Variants in CSMD1 observed in about 807,000 individuals in gnomAD.
CSMD1 encodes CUB and Sushi multiple domains 1, also known as CUB and sushi domain-containing protein 1.
Under a neutral mutation model 417.5 loss-of-function variants are expected in CSMD1, and 213 were observed. The ratio of observed to expected loss-of-function variants is 0.51; its 90% CI spans 0.46 to 0.57. CSMD1 has a LOEUF of 0.57. CSMD1 is among the 20% of genes least tolerant of loss of function. CSMD1 has a pLI of 0.00. For synonymous variants in CSMD1, 2,862 were observed against 1,736.8 expected (o/e 1.65, Z -16.11); for missense variants, 6,923 against 4,529.7 (o/e 1.53, Z -15.17).
chr8:3,457,438 G>T (rs547496752), intron 12 of CSMD1, among the ~76,000 whole-genome samples: 1 of 152,178 alleles, frequency 6.6e-6, no homozygotes, highest in Non-Finnish European at 1.5e-5. Flanking sequence ...AAAAGCAGAA[G>T]AAACGGAGCT....
rs534324634 is a variant in CSMD1, at chr8:4,976,121, G to A, written c.85+18211C>T. Reference sequence around the variant, plus strand: ...ACTGGGATAAACATTGGATAAATATGGACATAAGGGAAGAACAGACACTGG... The same window carrying A: ...ACTGGGATAAACATTGGATAAATATAGACATAAGGGAAGAACAGACACTGG... On this transcript the variant is annotated intron_variant, in intron 1 of 69. Coordinates refer to ENST00000635120, the MANE Select transcript of CSMD1 (RefSeq NM_033225.6). 2.0e-4 allele frequency among the ~76,000 whole-genome samples: 31 copies of A among 152,250 alleles called. No individual in the cohort carries two copies. In the South Asian group the frequency reaches 5.0e-3, roughly 24 times the overall value.
At chr8:4,111,171 C>G (rs1351060844) in intron 3 of CSMD1, among the ~76,000 whole-genome samples, 1 of 152,036 alleles carries the variant, frequency 6.6e-6, no homozygotes, top group Non-Finnish European at 1.5e-5. Context: ...GAAAAGTTTC[C>G]CTGTTCCCAA....
At chr8:3,010,292 T>TA (rs1239111056) in intron 52 of CSMD1, among the ~76,000 whole-genome samples, 1 of 152,238 alleles carries the variant, frequency 6.6e-6, no homozygotes, top group South Asian at 2.1e-4. Context: ...ATGTAGCAGG[T>TA]GGCATTCTAA....
chr8:3,208,203 T>A (rs1797412879), intron 30 of CSMD1, among the ~76,000 whole-genome samples: 1 of 152,170 alleles, frequency 6.6e-6, no homozygotes, highest in Non-Finnish European at 1.5e-5. Flanking sequence ...ACAAGAAGTA[T>A]AAATAAAAAG....
At chr8:4,201,903 T>C (rs1585013552) in intron 3 of CSMD1, among the ~76,000 whole-genome samples, 1 of 144,822 alleles carries the variant, frequency 6.9e-6, no homozygotes, top group Non-Finnish European at 1.5e-5. Flanking sequence ...GGGGGGGCGC[T>C]GCATTCATTT....
chr8:4,456,985 T>TTTAAA (rs71207092), intron 2 of CSMD1, among the ~76,000 whole-genome samples: 1,622 of 138,744 alleles, frequency 0.012, 28 homozygotes, highest in African/African-American at 0.03. Flanking sequence ...GGTTTTTTTT[T>TTTAAA]AAAAAAAAAA....
chr8:4,559,601 G>C (rs1204710152), intron 2 of CSMD1, among the ~76,000 whole-genome samples: 1 of 152,136 alleles, frequency 6.6e-6, no homozygotes, highest in East Asian at 1.9e-4. Context: ...CCCCAATGTT[G>C]TATAAAATTA....
chr8:4,412,004 G>GTC (rs1328522905), intron 3 of CSMD1, among the ~76,000 whole-genome samples: 1 of 151,808 alleles, frequency 6.6e-6, no homozygotes, highest in African/African-American at 2.4e-5. Flanking sequence ...GTGTGTGTGT[G>GTC]TGTGTGTGTG....
At chr8:4,349,636 G>C (rs1584939524) in intron 3 of CSMD1, among the ~76,000 whole-genome samples, 1 of 151,998 alleles carries the variant, frequency 6.6e-6, no homozygotes, top group Non-Finnish European at 1.5e-5. Flanking sequence ...TTTCACAATT[G>C]CATACCTTCA....
intron 3 of CSMD1, among the ~76,000 whole-genome samples, chr8:4,295,682 AT>A (rs1271648633): frequency 1.7e-3 from 239 of 142,762 alleles, no homozygotes; most frequent in Middle Eastern, 8.1e-3. Flanking sequence ...ATGTTATATT[AT>A]ACATGTTATA....
chr8:4,295,927 G>A (rs1213057718), intron 3 of CSMD1, among the ~76,000 whole-genome samples: 1 of 150,926 alleles, frequency 6.6e-6, no homozygotes, highest in African/African-American at 2.4e-5. Flanking sequence ...CCCATCTCAG[G>A]AACACAGCAT....
intron 31 of CSMD1, among the ~76,000 whole-genome samples, chr8:3,203,674 C>A (rs993453060): frequency 4.6e-5 from 7 of 152,062 alleles, no homozygotes; most frequent in African/African-American, 1.7e-4. Flanking sequence ...CAAAGGCCAC[C>A]CTGAAAACAA....
At chr8:4,690,165 C>T (rs571375714) in intron 1 of CSMD1, among the ~76,000 whole-genome samples, 1 of 151,964 alleles carries the variant, frequency 6.6e-6, no homozygotes, top group Admixed American at 6.6e-5. Flanking sequence ...TTAAGATTAC[C>T]CTCACAGTGT....
intron 1 of CSMD1, among the ~76,000 whole-genome samples, chr8:4,726,202 C>G (rs995569520): frequency 6.6e-6 from 1 of 151,998 alleles, no homozygotes; most frequent in Non-Finnish European, 1.5e-5. Flanking sequence ...AAGTTTTCAG[C>G]TGTGGCTTCA....
chr8:3,272,388 G>C (rs1414684431), intron 26 of CSMD1, among the ~76,000 whole-genome samples: 3 of 150,594 alleles, frequency 2.0e-5, no homozygotes, highest in Non-Finnish European at 4.4e-5. Context: ...TTGTTCTTTT[G>C]GCTCAGGACT....
intron 3 of CSMD1, among the ~76,000 whole-genome samples, chr8:4,182,196 G>C (rs1026248254): frequency 3.9e-5 from 6 of 152,152 alleles, no homozygotes; most frequent in African/African-American, 1.4e-4. Context: ...ATTAGGTTCT[G>C]TGTTTCATTC....
At chr8:3,331,428 C>T (rs978786277) in intron 23 of CSMD1, among the ~76,000 whole-genome samples, 28 of 152,122 alleles carry the variant, frequency 1.8e-4, no homozygotes, top group Non-Finnish European at 1.5e-4. Context: ...GGTGAAAACA[C>T]AGAATGCTTA....
At chr8:3,175,740 C>A (rs1374666163) in intron 37 of CSMD1, among the ~76,000 whole-genome samples, 5 of 152,176 alleles carry the variant, frequency 3.3e-5, no homozygotes, top group Non-Finnish European at 2.9e-5. Flanking sequence ...TGCTGGGCTA[C>A]TATGTAAGAA....
At chr8:3,461,997 C>T (rs13267666) in intron 12 of CSMD1, among the ~76,000 whole-genome samples, 2 of 151,954 alleles carry the variant, frequency 1.3e-5, no homozygotes, top group African/African-American at 4.8e-5. Context: ...TACACGTGTT[C>T]CTAGGAAACG....
Sources: gnomAD v4.1 joint callset for allele counts (sites outside exome capture counted in the v4.1 genomes callset) on GRCh38, gnomAD v4.1.1 for gene constraint, MANE v1.5 for transcripts, NCBI Gene and HGNC (gene_info 2026-07-23, HGNC 2026-07-21) for gene names.